Variants in BBX observed in about 807,000 individuals in gnomAD.
BBX encodes the protein BBX high mobility group box domain containing.
In BBX, 30 loss-of-function variants were observed where a neutral mutation model predicts 100.2. The observed-to-expected ratio is 0.30, with a 90% CI of 0.22 to 0.41. BBX has a LOEUF of 0.41. BBX is among the 10% of genes least tolerant of loss of function. The pLI is 1.00. For missense variants in BBX, 1,023 were observed against 1,129.8 expected (o/e 0.91, Z 1.35); for synonymous variants, 376 against 388.1 (o/e 0.97, Z 0.37).
At chr3:107,579,679 A>G (rs1576374028) in intron 2 of BBX, among the ~76,000 whole-genome samples, 2 of 152,264 alleles carry the variant, frequency 1.3e-5, no homozygotes, top group Admixed American at 1.3e-4. Context: ...ATGTTGAGGG[A>G]GCCTCTTTTA....
intron 5 of BBX, among the ~76,000 whole-genome samples, chr3:107,718,164 T>C (rs2062240244): frequency 6.7e-6 from 1 of 148,732 alleles, no homozygotes. Flanking sequence ...AAATTATTAA[T>C]AATTATATTA....
At chr3:107,741,414 G>C (rs1383214439) in intron 7 of BBX, among the ~76,000 whole-genome samples, 2 of 152,254 alleles carry the variant, frequency 1.3e-5, no homozygotes, top group South Asian at 4.1e-4. Flanking sequence ...AGAGAGGATT[G>C]AATTTGGGGA....
chr3:107,805,407 C>T lies in BBX; in HGVS notation c.2776C>T (p.Pro926Ser). The change falls in exon 18 of 18, where the codon CCA becomes TCA. Residue 926 changes from proline to serine, a missense_variant. Physicochemically the swap from Pro to Ser is moderately conservative, Grantham distance 74. This residue lies in a region of BBX where 104 missense variants were observed against 132.2 expected (regional missense o/e 0.79). Transcript: ENST00000325805. ...AACTCCGCTCACCCATGATGGACAG[C>T]CAAAAGAAATGCCGCAGGCTCCTGT... is the stretch of plus-strand genomic sequence containing the variant. ...RSTPLTHDGQ[P>S]KEMPQAPVLI... 1.2e-6 allele frequency: 2 copies of T among 1,614,008 alleles called. No homozygotes were observed. Among genetic ancestry groups the T allele is most frequent in the Non-Finnish European group, 1.7e-6 (2 of 1,179,958 alleles).
chr3:107,791,079 T>G (rs2068969817), intron 14 of BBX, among the ~76,000 whole-genome samples, 161 bp from the exon 15 acceptor site: 1 of 152,236 alleles, frequency 6.6e-6, no homozygotes, highest in Non-Finnish European at 1.5e-5. Flanking sequence ...ATTATTTTAG[T>G]TGGCAAATAC....
At chr3:107,688,827 A>G (rs1181531040) in intron 3 of BBX, among the ~76,000 whole-genome samples, 3 of 152,186 alleles carry the variant, frequency 2.0e-5, no homozygotes, top group African/African-American at 4.8e-5. Flanking sequence ...GGAGTTATAT[A>G]TAAGAGCTAT....
intron 2 of BBX, among the ~76,000 whole-genome samples, chr3:107,619,737 C>T (rs1378655131): frequency 6.6e-6 from 1 of 152,026 alleles, no homozygotes; most frequent in Non-Finnish European, 1.5e-5. Flanking sequence ...ATCGACAGTC[C>T]TTTTCTTTTA....
chr3:107,592,391 T>C lies in BBX; in HGVS notation c.-83-53445T>C, dbSNP rs565970984. 1.8e-4 allele frequency among the ~76,000 whole-genome samples: 26 copies of C among 144,268 alleles called. No homozygotes were observed. The South Asian group carries it at 5.2e-3, about 29-fold the overall frequency. 94.6% of individuals were successfully genotyped at this position (144,268 alleles called of 152,430 possible). On this transcript the variant is annotated intron_variant, in intron 2 of 17. Coordinates refer to ENST00000325805, the MANE Select transcript of BBX (RefSeq NM_001142568.3). ...AAAAAAAAAAAAAAAAAAGGTGTAT[T>C]AAGATGACTGTATGTTCTTTGTGAG...
At chr3:107,734,801 GA>G (rs1297446981) in intron 7 of BBX, among the ~76,000 whole-genome samples, 1 of 152,084 alleles carries the variant, frequency 6.6e-6, no homozygotes, top group Non-Finnish European at 1.5e-5. Flanking sequence ...TCTTTTCAAT[GA>G]GAAGTTCTCC....
intron 2 of BBX, among the ~76,000 whole-genome samples, chr3:107,623,417 T>G (rs1336069584): frequency 6.6e-6 from 1 of 152,224 alleles, no homozygotes; most frequent in Non-Finnish European, 1.5e-5. Flanking sequence ...AAAATGGTAC[T>G]TCAAATTTTG....
chr3:107,646,969 G>A (rs759842302), intron 3 of BBX, among the ~76,000 whole-genome samples: 2 of 152,038 alleles, frequency 1.3e-5, no homozygotes, highest in Non-Finnish European at 2.9e-5. Flanking sequence ...AAATGTATAT[G>A]ATTTACTTGA....
intron 13 of BBX, among the ~76,000 whole-genome samples, chr3:107,789,023 A>G (rs1253116396): frequency 6.6e-6 from 1 of 152,118 alleles, no homozygotes; most frequent in East Asian, 1.9e-4. Flanking sequence ...GGGTGGGGCT[A>G]TGCCATGGGT....
At chr3:107,530,669 A>G (rs2048097257) in intron 2 of BBX, among the ~76,000 whole-genome samples, 1 of 152,178 alleles carries the variant, frequency 6.6e-6, no homozygotes, top group African/African-American at 2.4e-5. Context: ...AGGAGAAATA[A>G]GAATGGGGTA....
At chr3:107,528,265 G>A (rs2047916107) in intron 2 of BBX, among the ~76,000 whole-genome samples, 1 of 152,144 alleles carries the variant, frequency 6.6e-6, no homozygotes, top group African/African-American at 2.4e-5. Flanking sequence ...CCATTTCCAA[G>A]TGTTTCCAAA....
intron 3 of BBX, chr3:107,659,645 A>C: frequency 1.6e-4 from 164 of 999,666 alleles, no homozygotes; most frequent in Non-Finnish European, 2.1e-4. Context: ...GCTGGAATTC[A>C]AACTCAGGCT....
rs551495841 is a variant in BBX at position 107,572,140 on chromosome 3, T to C, written c.-84+45742T>C. ...AATACTACCCAGAAAGTACGTTACC[T>C]TCTTTAAGGTGCTTAGGATGGTACA... On this transcript the variant is annotated intron_variant, in intron 2 of 17. Transcript: ENST00000325805. Among the ~76,000 whole-genome samples, 13 of 152,334 alleles carry C rather than the reference T, an allele frequency of 8.5e-5. No homozygotes were observed. In the South Asian group the frequency reaches 2.7e-3, roughly 32 times the overall value.
At chr3:107,794,466 T>C (rs2069394466) in intron 15 of BBX, among the ~76,000 whole-genome samples, 1 of 152,010 alleles carries the variant, frequency 6.6e-6, no homozygotes, top group Non-Finnish European at 1.5e-5. Context: ...AACCTAGGAC[T>C]AGGAATCTCT....
chr3:107,592,437 C>A (rs1213522824), intron 2 of BBX, among the ~76,000 whole-genome samples: 3 of 141,446 alleles, frequency 2.1e-5, no homozygotes, highest in African/African-American at 7.8e-5. Flanking sequence ...TTAAAAAAAT[C>A]TTATAAAACT....
In BBX at chr3:107,539,499, G is replaced by A. The variant is rs146820085; in HGVS notation, c.-84+13101G>A. Among the ~76,000 whole-genome samples the A allele has an allele frequency of 1.4e-3, 214 of 152,236 alleles. 2 individuals are homozygous for A. The highest frequency in any genetic ancestry group is 3.4e-3 in the Middle Eastern group (1 of 294). On this transcript the variant is annotated intron_variant, in intron 2 of 17. Transcript: ENST00000325805. The stretch of plus-strand genomic sequence containing the variant: ...GCTTACTTAATCTATCAGAGAGAAA[G>A]TGGACCCAGTGGAGGGCCCAGGCTA...
In BBX at chr3:107,801,241, G is replaced by A. The variant is rs758572861; in HGVS notation, c.2698G>A (p.Ala900Thr). 5.6e-6 allele frequency: 9 copies of A among 1,614,138 alleles called. No individual in the cohort carries two copies. The highest frequency in any genetic ancestry group is 5.5e-5 in the South Asian group (5 of 91,062). Residue 900 changes from alanine to threonine, a missense_variant, in exon 17 of 18, where the codon GCT (alanine) becomes ACT (threonine). Coordinates refer to ENST00000325805, the MANE Select transcript of BBX (RefSeq NM_001142568.3). ...TGCCGTGTCTGCGTTCTTTAGCCTC[G>A]CTGCGCTGGCTGAAGTGGCAGCCAT... ...MPAVSAFFSL[A>T]ALAEVAAMEN...
Sources: gnomAD v4.1 joint callset for allele counts (sites outside exome capture counted in the v4.1 genomes callset) on GRCh38, gnomAD v4.1.1 for gene constraint, gnomAD v4.1.1 regional missense constraint, MANE v1.5 for transcripts, NCBI Gene and HGNC (gene_info 2026-07-23, HGNC 2026-07-21) for gene names.